ADGRV1: variants seen among roughly 807,000 people sequenced by gnomAD.
ADGRV1 encodes G-protein coupled receptor 98.
ADGRV1 carries 359 observed loss-of-function variants against 596.2 expected under a neutral mutation model. The ratio of observed to expected loss-of-function variants is 0.60; its 90% CI spans 0.55 to 0.66. ADGRV1 has a LOEUF of 0.66. ADGRV1 is among the 30% of genes least tolerant of loss of function. ADGRV1 has a pLI of 0.00. For missense variants in ADGRV1, 7,274 were observed against 7,575.6 expected (o/e 0.96, Z 1.48); for synonymous variants, 2,681 against 2,679.2 (o/e 1.00, Z -0.02).
intron 89 of ADGRV1, among the ~76,000 whole-genome samples, chr5:91,156,554 T>C (rs755238949): frequency 2.0e-5 from 3 of 152,228 alleles, no homozygotes; most frequent in Non-Finnish European, 2.9e-5. Flanking sequence ...AAGTGAATTC[T>C]TGGAACATAA....
intron 87 of ADGRV1, among the ~76,000 whole-genome samples, chr5:91,106,967 G>T (rs1161095079): frequency 6.6e-6 from 1 of 152,198 alleles, no homozygotes; most frequent in Non-Finnish European, 1.5e-5. Context: ...GGCTAGTGTA[G>T]CAGAGAAGTT....
intron 70 of ADGRV1, among the ~76,000 whole-genome samples, chr5:90,802,102 G>C (rs1004692972): frequency 7.9e-5 from 12 of 152,202 alleles, no homozygotes; most frequent in African/African-American, 2.4e-4. Flanking sequence ...CCGTTTTCTT[G>C]ATACTTGATC....
At chr5:90,783,017 G>A in intron 65 of ADGRV1, 107 bp from the exon 66 acceptor site, 1 of 821,370 alleles carries the variant, frequency 1.2e-6, no homozygotes, top group Non-Finnish European at 2.1e-6. Context: ...AAAACATAGA[G>A]TGCTTACTTT....
In ADGRV1 at chr5:90,605,413, T is replaced by TA. The variant is rs59423334; in HGVS notation, c.23-9406dup. On this transcript the variant is annotated intron_variant, in intron 1 of 89. Transcript: ENST00000405460. ...CTGGTGATAGAGCGAGACTACGTCT[T>TA]AAAAAAAAAAAAAAAAGATAAAAAA... 5.3e-3 allele frequency among the ~76,000 whole-genome samples: 729 copies of TA among 137,380 alleles called. 4 individuals are homozygous for TA. Among genetic ancestry groups the TA allele is most frequent in the Non-Finnish European group, 8.1e-3 (513 of 63,406 alleles). The allele number at this position is 137,380 out of a possible 152,430, so 90.1% of individuals were successfully genotyped here.
chr5:90,694,748 C>G (rs201280365), intron 33 of ADGRV1, 47 bp downstream of exon 33: 1 of 1,428,270 alleles, frequency 7.0e-7, no homozygotes, highest in Admixed American at 2.4e-5. Flanking sequence ...GTAAAGTCAT[C>G]ATAGTCCATT....
At chr5:90,633,991 C>G (rs762668562) in intron 9 of ADGRV1, among the ~76,000 whole-genome samples, 5 of 152,156 alleles carry the variant, frequency 3.3e-5, no homozygotes, top group Non-Finnish European at 5.9e-5. Flanking sequence ...ATTTAAATCA[C>G]AGGTCTACTG....
At chr5:91,141,831 A>G (rs1398668995) in intron 87 of ADGRV1, among the ~76,000 whole-genome samples, 3 of 152,190 alleles carry the variant, frequency 2.0e-5, no homozygotes, top group African/African-American at 7.2e-5. Flanking sequence ...CCAAGGGGAC[A>G]GCAAAAGCAA....
At chr5:91,058,081 G>A (rs144789298) in intron 85 of ADGRV1, among the ~76,000 whole-genome samples, 1 of 152,256 alleles carries the variant, frequency 6.6e-6, no homozygotes, top group East Asian at 1.9e-4. Flanking sequence ...TATGGTCCCT[G>A]AAAACATTTT....
Position 91,049,077 on chromosome 5 carries a change from T to A in ADGRV1, c.18153-23370T>A, listed in dbSNP as rs950902962. 6.0e-5 allele frequency among the ~76,000 whole-genome samples: 9 copies of A among 149,208 alleles called. No individual in the cohort carries two copies. The East Asian group carries it at 8.0e-4, about 13-fold the overall frequency. ...TCTGCTTTTCCTTAAAAAAAAAAAATAAACCAAGACCACTGAACTGAACCA... is the reference window on the plus strand; with the variant it reads ...TCTGCTTTTCCTTAAAAAAAAAAAAAAAACCAAGACCACTGAACTGAACCA... On this transcript the variant is annotated intron_variant, in intron 85 of 89. Coordinates refer to ENST00000405460, the MANE Select transcript of ADGRV1 (RefSeq NM_032119.4).
chr5:90,738,158 A>G (rs548159479), intron 50 of ADGRV1, among the ~76,000 whole-genome samples: 1 of 152,122 alleles, frequency 6.6e-6, no homozygotes, highest in Non-Finnish European at 1.5e-5. Flanking sequence ...AGAAACAGCT[A>G]TTTTAAATTG....
At chr5:90,969,063 T>A (rs1316455413) in intron 84 of ADGRV1, among the ~76,000 whole-genome samples, 1 of 124,878 alleles carries the variant, frequency 8.0e-6, no homozygotes, top group Non-Finnish European at 1.6e-5. Flanking sequence ...TATAATAAAG[T>A]TAGATTATAT....
chr5:91,044,228 T>C (rs1785604291), intron 85 of ADGRV1, among the ~76,000 whole-genome samples: 1 of 152,268 alleles, frequency 6.6e-6, no homozygotes, highest in South Asian at 2.1e-4. Flanking sequence ...TAAGCTCATA[T>C]GAAACACTTA....
intron 85 of ADGRV1, among the ~76,000 whole-genome samples, chr5:91,026,595 A>G (rs1784035088): frequency 6.6e-6 from 1 of 152,064 alleles, no homozygotes; most frequent in Non-Finnish European, 1.5e-5. Context: ...GGAAGCTCTT[A>G]GGGAGGCTTC....
At chr5:90,693,138 T>G (rs1746703017) in intron 32 of ADGRV1, among the ~76,000 whole-genome samples, 1 of 15,274 alleles carries the variant, frequency 6.5e-5, no homozygotes, top group African/African-American at 8.3e-4. Context: ...TCCAGGTCTG[T>G]TTTTTTTTTC....
chr5:90,851,868 G>C (rs932952960), intron 79 of ADGRV1, among the ~76,000 whole-genome samples: 6 of 152,170 alleles, frequency 3.9e-5, no homozygotes, highest in Non-Finnish European at 7.4e-5. Flanking sequence ...AGATAACAGA[G>C]TCCCTGACTG....
At chr5:90,579,422 G>A (rs1757681100) in intron 1 of ADGRV1, among the ~76,000 whole-genome samples, 1 of 152,182 alleles carries the variant, frequency 6.6e-6, no homozygotes. Context: ...GGTTTTGAGT[G>A]AGTTTCTTAA....
intron 82 of ADGRV1, among the ~76,000 whole-genome samples, chr5:90,862,012 G>A (rs902292139): frequency 6.6e-6 from 1 of 152,198 alleles, no homozygotes; most frequent in South Asian, 2.1e-4. Context: ...CCTGCCACTG[G>A]CTTTGAATCC....
chr5:91,163,614 AAG>A (rs1797129327), intron 89 of ADGRV1, among the ~76,000 whole-genome samples, 166 bp from the exon 90 acceptor site: 1 of 152,228 alleles, frequency 6.6e-6, no homozygotes. Flanking sequence ...GGAAATGTAA[AAG>A]ATAGTTTCAT....
intron 83 of ADGRV1, among the ~76,000 whole-genome samples, chr5:90,882,272 T>A (rs1769864720): frequency 6.6e-6 from 1 of 152,240 alleles, no homozygotes; most frequent in Admixed American, 6.5e-5. Flanking sequence ...TTTTCAGTAC[T>A]TCTTTTTGTA....
Sources: allele counts gnomAD v4.1 joint callset (sites outside exome capture counted in the v4.1 genomes callset), GRCh38; gene constraint gnomAD v4.1.1; transcripts MANE v1.5; gene names NCBI Gene and HGNC (gene_info 2026-07-23, HGNC 2026-07-21).